The following MIB1 variants were observed in gnomAD, a reference collection of about 807,000 sequenced individuals.
MIB1 encodes the protein MIB E3 ubiquitin protein ligase 1, also known as E3 ubiquitin-protein ligase MIB1.
Under a neutral mutation model 124.5 loss-of-function variants are expected in MIB1, and 278 were observed. The ratio of observed to expected loss-of-function variants is 2.23; its 90% confidence interval spans 2.02 to 2.47. The LOEUF (loss-of-function observed/expected upper bound fraction) is 2.47, where lower values mean the gene tolerates loss of function less well. Among genes scored for constraint, MIB1 ranks in the 30% most tolerant of loss-of-function variants. The pLI, the probability that MIB1 is intolerant of heterozygous loss-of-function variation, is 0.00. For synonymous variants in MIB1, 446 were observed against 429.4 expected, an observed-to-expected ratio of 1.04 and a Z score of -0.48; for missense variants, 957 against 1,254.4, an observed-to-expected ratio of 0.76 and a Z score of 3.58.
intron 7 of MIB1, among the ~76,000 whole-genome samples, chr18:21,795,371 AATAT>A (rs1384353438): frequency 6.9e-6 from 1 of 143,896 alleles, no homozygotes; most frequent in South Asian, 2.1e-4. Context: ...ATAATATATA[AATAT>A]ATATTTATAT....
Position 21,870,582 on chromosome 18 carries a change from G to A in MIB1, c.*5916G>A, listed in dbSNP as rs1403440221. ...TCAGATGTAGATTTCATTTTCAAGA[G>A]GTAGATATTTTAAAGCAATGATCTA... is the stretch of plus-strand genomic sequence containing the variant. On this transcript the variant is annotated 3_prime_UTR_variant, in exon 21 of 21. Coordinates refer to ENST00000261537, the MANE Select transcript of MIB1 (RefSeq NM_020774.4). 6.6e-6 allele frequency: 1 copy of A among 152,064 alleles called. No individual in the cohort carries two copies. Among genetic ancestry groups the A allele is most frequent in the Non-Finnish European group, 1.5e-5 (1 of 67,982 alleles). 9.4% of individuals were successfully genotyped at this position (152,064 alleles called of 1,614,324 possible).
At chr18:21,804,820 T>A (rs545245874) in intron 10 of MIB1, among the ~76,000 whole-genome samples, 2 of 152,144 alleles carry the variant, frequency 1.3e-5, no homozygotes, top group Non-Finnish European at 2.9e-5. Flanking sequence ...ATTTTACTAA[T>A]TAAAAAATTT....
At position 21,853,591 on chromosome 18, in the gene MIB1, C is replaced by T. The variant is rs146305999; in HGVS notation, c.2665+373C>T. Reference sequence around the variant, plus strand: ...TCATTTGGCTTCACCTTAATATTGCCTCTCCTGTGTACTTTCCTCACTGCA... The same window carrying T: ...TCATTTGGCTTCACCTTAATATTGCTTCTCCTGTGTACTTTCCTCACTGCA... On this transcript the variant is annotated intron_variant, in intron 18 of 20. Transcript: ENST00000261537. 1.1e-4 allele frequency among the ~76,000 whole-genome samples: 17 copies of T among 152,214 alleles called. 1 individual carries two copies. The East Asian group carries it at 3.3e-3, about 29-fold the overall frequency.
At chr18:21,780,147 T>C (rs1358719463) in intron 6 of MIB1, among the ~76,000 whole-genome samples, 1 of 152,158 alleles carries the variant, frequency 6.6e-6, no homozygotes, top group Non-Finnish European at 1.5e-5. Flanking sequence ...TATTTTGGGA[T>C]ACATGTGATA....
chr18:21,814,101 T>TTA (rs2041803542), intron 10 of MIB1, among the ~76,000 whole-genome samples: 1 of 152,308 alleles, frequency 6.6e-6, no homozygotes, highest in South Asian at 2.1e-4. Context: ...TTTAAAAAAT[T>TTA]TAAGCAATTT....
In MIB1 at chr18:21,798,114, A is replaced by G; in HGVS notation, c.1123A>G (p.Ile375Val). ...TLGKVGRVQQ[I>V]YSDSDLKVEV... is the part of the protein sequence containing the mutation. Reference sequence around the variant, plus strand: ...AGGTAAAGTTGGCCGAGTACAACAGATTTATTCAGACAGTGATTTAAAGGT... The same window carrying G: ...AGGTAAAGTTGGCCGAGTACAACAGGTTTATTCAGACAGTGATTTAAAGGT... The change falls in exon 8 of 21, where the codon ATT becomes GTT. Residue 375 changes from isoleucine to valine, a missense_variant. Ile to Val is a conservative substitution (Grantham distance 29, BLOSUM62 3). Coordinates refer to ENST00000261537, the MANE Select transcript of MIB1 (RefSeq NM_020774.4). The G allele has an allele frequency of 6.2e-7, 1 of 1,613,196 alleles. No individual in the cohort carries two copies. Among genetic ancestry groups the G allele is most frequent in the African/African-American group, 1.3e-5 (1 of 74,988 alleles).
intron 1 of MIB1, among the ~76,000 whole-genome samples, chr18:21,754,408 C>A (rs529041180): frequency 6.6e-6 from 1 of 152,284 alleles, no homozygotes; most frequent in Non-Finnish European, 1.5e-5. Flanking sequence ...TGCCTGGGAC[C>A]AAATCTGTCA....
At chr18:21,841,411 A>C (rs954123194) in intron 13 of MIB1, among the ~76,000 whole-genome samples, 9 of 152,170 alleles carry the variant, frequency 5.9e-5, no homozygotes, top group African/African-American at 2.2e-4. Context: ...ACTCTATAAA[A>C]ATGGTCAAAA....
chr18:21,870,778 TTTTG>T lies in MIB1; in HGVS notation c.*6116_*6119del, dbSNP rs1022984938. On this transcript the variant is annotated 3_prime_UTR_variant, in exon 21 of 21. Transcript: ENST00000261537. ...GAGGAAAAACATCTGAAAAAATATC[TTTTG>T]TTTATTTGAAAAAAGCATATATATT... 5.3e-5 allele frequency: 8 copies of T among 152,180 alleles called. No individual in the cohort carries two copies. Among genetic ancestry groups the T allele is most frequent in the African/African-American group, 1.4e-4 (6 of 41,446 alleles). The allele number at this position is 152,180 out of a possible 1,614,324, so 9.4% of individuals were successfully genotyped here.
intron 12 of MIB1, 42 bp from the exon 13 acceptor site, chr18:21,838,323 C>G: frequency 2.1e-6 from 3 of 1,422,294 alleles, no homozygotes; most frequent in Non-Finnish European, 2.8e-6. Flanking sequence ...TTGAGTATAT[C>G]AAATTATGCA....
In MIB1 at chr18:21,799,532, T is replaced by A. The variant is rs11875884; in HGVS notation, c.1238-309T>A. 7.6e-3 allele frequency among the ~76,000 whole-genome samples: 1,162 copies of A among 152,178 alleles called. 14 individuals carry two copies. Among genetic ancestry groups the A allele is most frequent in the African/African-American group, 0.026 (1,098 of 41,560 alleles). On this transcript the variant is annotated intron_variant, in intron 8 of 20. Transcript: ENST00000261537. ...TTGTATCATTGTGGTACTCCCATGG[T>A]AGTGTGTTTATTCATAAACTTCTTA... is the stretch of plus-strand genomic sequence containing the variant.
chr18:21,730,025 A>C (rs760616489), intron 1 of MIB1, among the ~76,000 whole-genome samples: 1 of 152,210 alleles, frequency 6.6e-6, no homozygotes, highest in Non-Finnish European at 1.5e-5. Context: ...GGTTGGAAAG[A>C]ATGAATATTG....
intron 19 of MIB1, among the ~76,000 whole-genome samples, chr18:21,858,323 T>C (rs1409191365): frequency 6.6e-6 from 1 of 152,198 alleles, no homozygotes; most frequent in Non-Finnish European, 1.5e-5. Flanking sequence ...GAGATAAATA[T>C]AATTAGAAAT....
upstream of MIB1, among the ~76,000 whole-genome samples, chr18:21,740,704 TCCGCCCCTGGGC>T (rs1345227480): frequency 3.9e-5 from 6 of 152,342 alleles, no homozygotes; most frequent in East Asian, 9.7e-4. Context: ...ACTCCAGGGA[TCCGCCCCTGGGC>T]CCGCCCCTCC....
Position 21,844,213 on chromosome 18 carries a change from T to TG in MIB1, c.2175dup (p.Lys726GlufsTer40), listed in dbSNP as rs1229231511. ...CGTCAGCTCCAAGATATGCAAGATG[T>TG]GGGGAAGGTGGATGCTGCCTGGGAG... On this transcript the variant is annotated frameshift_variant, in exon 15 of 21. Transcript: ENST00000261537. LOFTEE classifies it high-confidence loss of function. 1 of 1,613,982 alleles carries TG rather than the reference T, an allele frequency of 6.2e-7. No homozygotes were observed. Among genetic ancestry groups the TG allele is most frequent in the Non-Finnish European group, 8.5e-7 (1 of 1,180,016 alleles).
At chr18:21,785,665 A>C (rs76875810) in intron 6 of MIB1, among the ~76,000 whole-genome samples, 2,479 of 152,254 alleles carry the variant, frequency 0.016, 38 homozygotes, top group East Asian at 0.069. Flanking sequence ...TGTAGTATTA[A>C]GAGTATTCTG....
At position 21,843,179 on chromosome 18, in the gene MIB1, C is replaced by T. The variant is rs1195378287; in HGVS notation, c.2011C>T (p.His671Tyr). ...GAATGTGAACCAACAAACTGCCCTA[C>T]ACCTTGCTGTTGAACGACAGCATAC... The part of the protein sequence containing the change: ...IQNVNQQTAL[H>Y]LAVERQHTQI... Residue 671 changes from histidine (H) to tyrosine (Y), a missense_variant, in exon 14 of 21, where the codon CAC becomes TAC. Coordinates refer to ENST00000261537, the MANE Select transcript of MIB1 (RefSeq NM_020774.4). 6.2e-7 allele frequency: 1 copy of T among 1,602,848 alleles called. No homozygotes were observed. The highest frequency in any genetic ancestry group is 8.5e-7 in the Non-Finnish European group (1 of 1,175,836).
intron 2 of MIB1, among the ~76,000 whole-genome samples, chr18:21,767,350 T>C (rs777664888): frequency 6.6e-6 from 1 of 152,066 alleles, no homozygotes; most frequent in Non-Finnish European, 1.5e-5. Flanking sequence ...AAGCCCCTTA[T>C]TAAAATCATC....
intron 1 of MIB1, among the ~76,000 whole-genome samples, chr18:21,765,362 G>A (rs2041144859): frequency 6.6e-6 from 1 of 152,154 alleles, no homozygotes. Flanking sequence ...ATATCATGAA[G>A]GCAAAATGGT....
Sources: allele counts gnomAD v4.1 joint callset (sites outside exome capture counted in the v4.1 genomes callset), GRCh38; gene constraint gnomAD v4.1.1; transcripts MANE v1.5; gene names NCBI Gene and HGNC (gene_info 2026-07-23, HGNC 2026-07-21).